Variants in CX3CL1 observed in about 807,000 individuals in gnomAD.
CX3CL1 encodes the protein C-X3-C motif chemokine ligand 1, also known as fractalkine.
Under a neutral mutation model 14.1 loss-of-function variants are expected in CX3CL1, and 1 was observed. The observed-to-expected ratio is 0.07, with a 90% CI of 0.03 to 0.34. CX3CL1 has a LOEUF of 0.34. Ranked by LOEUF, CX3CL1 falls within the 10% of genes least tolerant of loss-of-function variation. The pLI is 0.99. For synonymous variants in CX3CL1, 255 were observed against 229.6 expected (o/e 1.11, Z -1.00); for missense variants, 505 against 536.4 (o/e 0.94, Z 0.58).
Position 57,384,881 on chromosome 16 carries a change from C to A in CX3CL1, c.*1849C>A, listed in dbSNP as rs1314377016. The A allele has an allele frequency of 6.6e-6, 1 of 152,210 alleles. No individual in the cohort carries two copies. Among genetic ancestry groups the A allele is most frequent in the Non-Finnish European group, 1.5e-5 (1 of 68,052 alleles). 9.4% of individuals were successfully genotyped at this position (152,210 alleles called of 1,614,324 possible). A position where few individuals can be genotyped will look rare whatever the true frequency, so the allele number is the denominator to read the frequency against. ...AGGAAGCCGCTGGGGCCAGTTGGTC[C>A]CCCTTCCATGGACTTTGTTAGTTTC... On this transcript the variant is annotated 3_prime_UTR_variant, in exon 3 of 3. Coordinates refer to ENST00000006053, the MANE Select transcript of CX3CL1 (RefSeq NM_002996.6).
chr16:57,380,488 G>A (rs1471852752), intron 2 of CX3CL1, among the ~76,000 whole-genome samples: 6 of 152,122 alleles, frequency 3.9e-5, no homozygotes, highest in African/African-American at 1.4e-4. Flanking sequence ...AACCCAGGAT[G>A]CGGAGGTTGC....
At position 57,383,316 on chromosome 16, in the gene CX3CL1, G is replaced by GC. The variant is rs1902362945; in HGVS notation, c.*288dup. On this transcript the variant is annotated 3_prime_UTR_variant, in exon 3 of 3. Coordinates refer to ENST00000006053, the MANE Select transcript of CX3CL1 (RefSeq NM_002996.6). Reference sequence around the variant, plus strand: ...AGAGGTTCCCTTTGACGCCATCCCAGCCCCAATGAACAATTATTTATTAAA... The same window carrying GC: ...AGAGGTTCCCTTTGACGCCATCCCAGCCCCCAATGAACAATTATTTATTAAA... The GC allele has an allele frequency of 3.1e-6, 1 of 323,980 alleles. No individual in the cohort carries two copies. The highest frequency in any genetic ancestry group is 2.1e-5 in the African/African-American group (1 of 47,178). The allele number at this position is 323,980 out of a possible 1,614,324, so 20.1% of individuals were successfully genotyped here. A position where few individuals can be genotyped will look rare whatever the true frequency, so the allele number is the denominator to read the frequency against.
intron 1 of CX3CL1, among the ~76,000 whole-genome samples, chr16:57,372,863 G>C (rs562294329): frequency 2.7e-3 from 412 of 152,324 alleles, no homozygotes; most frequent in African/African-American, 9.6e-3. Context: ...CTGGCCCAGC[G>C]AGCAAAGTGG....
chr16:57,381,889 C>T (rs1233111056), intron 2 of CX3CL1, 141 bp from the exon 3 acceptor site: 2 of 869,274 alleles, frequency 2.3e-6, no homozygotes, highest in Non-Finnish European at 3.3e-6. Context: ...TGGTCAGTTG[C>T]CTCACAGACG....
intron 1 of CX3CL1, among the ~76,000 whole-genome samples, chr16:57,374,893 C>A (rs1430802378): frequency 6.6e-6 from 1 of 152,160 alleles, no homozygotes; most frequent in African/African-American, 2.4e-5. Context: ...GTAATCCCAG[C>A]ACATTGGGAG....
At position 57,382,486 on chromosome 16, in the gene CX3CL1, T is replaced by C. The variant is rs1902341988; in HGVS notation, c.648T>C (p.Ser216=). 4.3e-6 allele frequency: 7 copies of C among 1,612,738 alleles called. No individual in the cohort carries two copies. The East Asian group carries it at 1.6e-4, about 36-fold the overall frequency. Residue 216 remains serine, a synonymous_variant, in exon 3 of 3, where the codon TCT becomes TCC. Coordinates refer to ENST00000006053, the MANE Select transcript of CX3CL1 (RefSeq NM_002996.6). The surrounding 1 kb of genome is among the most constrained non-coding windows in gnomAD (Gnocchi z 6.9). The stretch of plus-strand genomic sequence containing the variant: ...GCCTCTGGGCTGAGGCAAAGACCTC[T>C]GAGGCCCCGTCCACCCAGGACCCCT... ...GPSLWAEAKT[S]EAPSTQDPST... is the part of the protein sequence containing the mutation.
At chr16:57,376,207 T>A (rs1475783196) in intron 1 of CX3CL1, among the ~76,000 whole-genome samples, 1 of 152,266 alleles carries the variant, frequency 6.6e-6, no homozygotes, top group Non-Finnish European at 1.5e-5. Flanking sequence ...GCATTCCTTG[T>A]TCATCTCACT....
chr16:57,381,189 G>A (rs1448285524), intron 2 of CX3CL1, among the ~76,000 whole-genome samples: 1 of 152,168 alleles, frequency 6.6e-6, no homozygotes, highest in Non-Finnish European at 1.5e-5. Flanking sequence ...AAATGGGGAT[G>A]AGCCTGGTAG....
chr16:57,381,711 G>A (rs73559249), intron 2 of CX3CL1, among the ~76,000 whole-genome samples: 1 of 152,214 alleles, frequency 6.6e-6, no homozygotes, highest in Middle Eastern at 3.4e-3. Context: ...CAACTCGTCC[G>A]TGTTTGCCTG....
At position 57,382,259 on chromosome 16, in the gene CX3CL1, A is replaced by T. The variant is rs781755423; in HGVS notation, c.421A>T (p.Thr141Ser). The T allele has an allele frequency of 3.7e-6, 6 of 1,607,548 alleles. No individual in the cohort carries two copies. In the East Asian group the frequency reaches 1.1e-4, roughly 30 times the overall value. Residue 141 changes from threonine (T) to serine (S), a missense_variant, in exon 3 of 3, where the codon ACT (threonine) becomes TCT (serine). Thr to Ser is a moderately conservative substitution (Grantham distance 58). Transcript: ENST00000006053. The surrounding 1 kb of genome is among the most constrained non-coding windows in gnomAD (Gnocchi z 6.9). ...AGGCGAAAGCAGTAGCCTGGAGCCG[A>T]CTCCTTCTTCCCAGGAAGCACAGAG... The part of the protein sequence containing the change: ...ATGESSSLEP[T>S]PSSQEAQRAL...
In CX3CL1 at chr16:57,382,369, T is replaced by C. The variant is rs756443334; in HGVS notation, c.531T>C (p.Asp177=). The change falls in exon 3 of 3, where the codon GAT becomes GAC. Residue 177 remains aspartate, a synonymous_variant. Coordinates refer to ENST00000006053, the MANE Select transcript of CX3CL1 (RefSeq NM_002996.6). The surrounding 1 kb of genome is among the most constrained non-coding windows in gnomAD (Gnocchi z 6.9). ...TCCCCCCGACGCCAAAGGCTCAGGA[T>C]GGAGGGCCTGTGGGCACGGAGCTTT... ...TRLPPTPKAQ[D]GGPVGTELFR... 1.2e-5 allele frequency: 19 copies of C among 1,611,358 alleles called. No homozygotes were observed. Among genetic ancestry groups the C allele is most frequent in the South Asian group, 2.2e-5 (2 of 91,050 alleles).
rs147669719 is a variant in CX3CL1 at position 57,382,193 on chromosome 16, G to C, written c.355G>C (p.Gly119Arg). The change falls in exon 3 of 3, where the codon GGG (glycine) becomes CGG (arginine). Residue 119 changes from glycine to arginine, a missense_variant. Coordinates refer to ENST00000006053, the MANE Select transcript of CX3CL1 (RefSeq NM_002996.6). This position sits in a 1 kb window ranked among gnomAD's most constrained non-coding sequence, Gnocchi z 6.9. ...GAAGCCCAGGACCACCCCTGCCGCC[G>C]GGGGAATGGACGAGTCTGTGGTCCT... is the stretch of plus-strand genomic sequence containing the variant. ...EVKPRTTPAA[G>R]GMDESVVLEP... 3 of 1,613,196 alleles carry C rather than the reference G, an allele frequency of 1.9e-6. No individual in the cohort carries two copies. In the East Asian group the frequency reaches 6.7e-5, roughly 36 times the overall value.
At position 57,382,421 on chromosome 16, in the gene CX3CL1, G is replaced by T; in HGVS notation, c.583G>T (p.Ala195Ser). 2 of 1,612,526 alleles carry T rather than the reference G, an allele frequency of 1.2e-6. No homozygotes were observed. The highest frequency in any genetic ancestry group is 1.7e-6 in the Non-Finnish European group (2 of 1,179,950). The part of the protein sequence containing the change: ...LFRVPPVSTA[A>S]TWQSSAPHQP... ...CCGAGTGCCTCCCGTCTCCACTGCC[G>T]CCACGTGGCAGAGTTCTGCTCCCCA... The change falls in exon 3 of 3, where the codon GCC (alanine) becomes TCC (serine). Residue 195 changes from alanine (A) to serine (S), a missense_variant. Ala to Ser is a moderately conservative substitution (Grantham distance 99). Transcript: ENST00000006053. The surrounding 1 kb of genome is among the most constrained non-coding windows in gnomAD (Gnocchi z 6.9).
At position 57,382,095 on chromosome 16, in the gene CX3CL1, T is replaced by A; in HGVS notation, c.257T>A (p.Met86Lys). 6.2e-7 allele frequency: 1 copy of A among 1,613,844 alleles called. No homozygotes were observed. The highest frequency in any genetic ancestry group is 8.5e-7 in the Non-Finnish European group (1 of 1,179,846). The change falls in exon 3 of 3, where the codon ATG becomes AAG. Residue 86 changes from methionine to lysine, a missense_variant. By Grantham distance (95) the Met-to-Lys change is moderately conservative. Coordinates refer to ENST00000006053, the MANE Select transcript of CX3CL1 (RefSeq NM_002996.6). This position sits in a 1 kb window ranked among gnomAD's most constrained non-coding sequence, Gnocchi z 6.9. ...AAGGAGCAATGGGTCAAGGACGCGA[T>A]GCAGCATCTGGACCGCCAGGCTGCT... Reference protein sequence around the residue: ...DPKEQWVKDAMQHLDRQAAAL... With the variant: ...DPKEQWVKDAKQHLDRQAAAL...
intron 1 of CX3CL1, among the ~76,000 whole-genome samples, chr16:57,374,171 T>A (rs1902214890): frequency 6.6e-6 from 1 of 152,126 alleles, no homozygotes; most frequent in Non-Finnish European, 1.5e-5. Flanking sequence ...TCTCCCACGC[T>A]GACATGTATG....
chr16:57,384,879 TC>T lies in CX3CL1; in HGVS notation c.*1852del, dbSNP rs1902391369. The T allele has an allele frequency of 6.6e-6, 1 of 152,156 alleles. No individual in the cohort carries two copies. The highest frequency in any genetic ancestry group is 2.4e-5 in the African/African-American group (1 of 41,428). 9.4% of individuals were successfully genotyped at this position (152,156 alleles called of 1,614,324 possible). A position where few individuals can be genotyped will look rare whatever the true frequency, so the allele number is the denominator to read the frequency against. ...TGAGGAAGCCGCTGGGGCCAGTTGG[TC>T]CCCCTTCCATGGACTTTGTTAGTTT... On this transcript the variant is annotated 3_prime_UTR_variant, in exon 3 of 3. Coordinates refer to ENST00000006053, the MANE Select transcript of CX3CL1 (RefSeq NM_002996.6).
Position 57,379,676 on chromosome 16 carries a change from A to G in CX3CL1, c.113A>G (p.Lys38Arg). 1.2e-6 allele frequency: 2 copies of G among 1,614,260 alleles called. No homozygotes were observed. The highest frequency in any genetic ancestry group is 1.1e-5 in the South Asian group (1 of 91,086). The change falls in exon 2 of 3, where the codon AAG (lysine) becomes AGG (arginine). Residue 38 changes from lysine (K) to arginine (R), a missense_variant. Transcript: ENST00000006053. ...ACGAAATGCAACATCACGTGCAGCAAGATGACATCAAAGATACCTGTAGCT... is the reference window on the plus strand; with the variant it reads ...ACGAAATGCAACATCACGTGCAGCAGGATGACATCAAAGATACCTGTAGCT... ...GVTKCNITCS[K>R]MTSKIPVALL...
At position 57,382,099 on chromosome 16, in the gene CX3CL1, G is replaced by A. The variant is rs373682759; in HGVS notation, c.261G>A (p.Gln87=). ...AGCAATGGGTCAAGGACGCGATGCA[G>A]CATCTGGACCGCCAGGCTGCTGCCC... ...PKEQWVKDAM[Q]HLDRQAAALT... The change falls in exon 3 of 3, where the codon CAG becomes CAA. Residue 87 remains glutamine, a synonymous_variant. Transcript: ENST00000006053. The surrounding 1 kb of genome is among the most constrained non-coding windows in gnomAD (Gnocchi z 6.9). 1.9e-6 allele frequency: 3 copies of A among 1,613,900 alleles called. No homozygotes were observed. The highest frequency in any genetic ancestry group is 2.5e-6 in the Non-Finnish European group (3 of 1,179,878).
chr16:57,373,113 AG>A (rs1268962306), intron 1 of CX3CL1, among the ~76,000 whole-genome samples: 4 of 152,138 alleles, frequency 2.6e-5, no homozygotes, highest in Admixed American at 2.6e-4. Flanking sequence ...CCCCAGGATT[AG>A]GGGGCCCAGG....
Sources: allele counts gnomAD v4.1 joint callset (sites outside exome capture counted in the v4.1 genomes callset), GRCh38; gene constraint gnomAD v4.1.1; non-coding constraint Gnocchi (gnomAD v3.1); transcripts MANE v1.5; gene names NCBI Gene and HGNC (gene_info 2026-07-23, HGNC 2026-07-21).